ZNF704: variants seen among roughly 807,000 people sequenced by gnomAD.
The protein encoded by ZNF704 is zinc finger protein 704, also known as glucocorticoid induced gene 1.
In ZNF704, 10 loss-of-function variants were observed where a neutral mutation model predicts 44.7. The observed-to-expected ratio is 0.22, with a 90% CI of 0.14 to 0.38. The LOEUF (loss-of-function observed/expected upper bound fraction) is 0.38, where lower values mean the gene tolerates loss of function less well. Among genes scored for constraint, ZNF704 ranks in the 10% least tolerant of loss-of-function variants. The pLI, the probability that ZNF704 is intolerant of heterozygous loss-of-function variation, is 1.00. For synonymous variants in ZNF704, 211 were observed against 207.6 expected (o/e 1.02, Z -0.14); for missense variants, 390 against 545.5 (o/e 0.71, Z 2.84).
At position 80,630,034 on chromosome 8, in the gene ZNF704, T is replaced by C. The variant is rs1324661457; in HGVS notation, c.*11332A>G. 6.6e-6 allele frequency: 1 copy of C among 152,228 alleles called. No individual in the cohort carries two copies. The highest frequency in any genetic ancestry group is 2.4e-5 in the African/African-American group (1 of 41,464). 9.4% of individuals were successfully genotyped at this position (152,228 alleles called of 1,614,324 possible). A position where few individuals can be genotyped will look rare whatever the true frequency, so the allele number is the denominator to read the frequency against. ...AATAAAGTTTCAATCTTTAAAAACA[T>C]CAAGTAGGAGAATATAGATGGGCTT... On this transcript the variant is annotated 3_prime_UTR_variant, in exon 9 of 9. Transcript: ENST00000327835.
chr8:80,733,961 AGAC>A (rs1806624039), intron 2 of ZNF704, among the ~76,000 whole-genome samples: 1 of 152,224 alleles, frequency 6.6e-6, no homozygotes, highest in Non-Finnish European at 1.5e-5. Flanking sequence ...AGAAAACAAA[AGAC>A]GATATGCATT....
intron 2 of ZNF704, among the ~76,000 whole-genome samples, chr8:80,704,284 G>A (rs546558144): frequency 2.8e-4 from 43 of 152,304 alleles, no homozygotes; most frequent in African/African-American, 1.0e-3. Context: ...TAGGTTTAGC[G>A]CTTTTGATTG....
chr8:80,728,539 C>T (rs1016212092), intron 2 of ZNF704, among the ~76,000 whole-genome samples: 1 of 152,134 alleles, frequency 6.6e-6, no homozygotes, highest in African/African-American at 2.4e-5. Context: ...TTAGGCATTT[C>T]GTAAGGCAAA....
intron 2 of ZNF704, among the ~76,000 whole-genome samples, chr8:80,748,361 G>C (rs1054226306): frequency 2.0e-5 from 3 of 152,168 alleles, no homozygotes; most frequent in Non-Finnish European, 4.4e-5. Flanking sequence ...TGAGAATGGG[G>C]AAGTTTTTGT....
chr8:80,699,057 ACTAAT>A (rs1474717859), intron 2 of ZNF704, among the ~76,000 whole-genome samples: 1 of 152,204 alleles, frequency 6.6e-6, no homozygotes, highest in East Asian at 1.9e-4. Context: ...TTAGATTAGC[ACTAAT>A]CTAGTTTCTT....
At chr8:80,877,907 G>A (rs1426703791), upstream of ZNF704, among the ~76,000 whole-genome samples, 1 of 152,202 alleles carries the variant, frequency 6.6e-6, no homozygotes, top group African/African-American at 2.4e-5. Flanking sequence ...TTAGTATAAA[G>A]AAATGTGCAT....
At chr8:80,858,669 A>C (rs766741259) in intron 1 of ZNF704, among the ~76,000 whole-genome samples, 1 of 151,822 alleles carries the variant, frequency 6.6e-6, no homozygotes, top group Non-Finnish European at 1.5e-5. Context: ...TGGGCAACAC[A>C]GCGAGATTCT....
intron 2 of ZNF704, among the ~76,000 whole-genome samples, chr8:80,708,774 A>G (rs1383975037): frequency 6.6e-6 from 1 of 152,142 alleles, no homozygotes; most frequent in Non-Finnish European, 1.5e-5. Context: ...ATGAAGTTCT[A>G]AATATTTCGA....
At chr8:80,773,220 C>T (rs566807111) in intron 2 of ZNF704, among the ~76,000 whole-genome samples, 1 of 152,112 alleles carries the variant, frequency 6.6e-6, no homozygotes, top group Non-Finnish European at 1.5e-5. Flanking sequence ...TCCTGCCTTC[C>T]TGTGGATTAA....
At chr8:80,859,725 G>A (rs1178969368) in intron 1 of ZNF704, among the ~76,000 whole-genome samples, 1 of 152,174 alleles carries the variant, frequency 6.6e-6, no homozygotes, top group Non-Finnish European at 1.5e-5. Context: ...CTCCAGGTCT[G>A]TATGACAAGC....
chr8:80,835,322 G>T (rs1808540920), intron 1 of ZNF704, among the ~76,000 whole-genome samples: 1 of 152,156 alleles, frequency 6.6e-6, no homozygotes, highest in African/African-American at 2.4e-5. Flanking sequence ...CATGAGACAC[G>T]TCTCAATCAA....
At chr8:80,785,023 A>G (rs1175602195) in intron 2 of ZNF704, among the ~76,000 whole-genome samples, 3 of 152,190 alleles carry the variant, frequency 2.0e-5, no homozygotes, top group Non-Finnish European at 4.4e-5. Flanking sequence ...TATTAACTAA[A>G]GTCCACACTG....
chr8:80,878,244 A>C (rs1367282357), upstream of ZNF704, among the ~76,000 whole-genome samples: 3 of 143,240 alleles, frequency 2.1e-5, no homozygotes, highest in African/African-American at 7.9e-5. Context: ...ATCAGAAAGA[A>C]AGAGAAAGAA....
At chr8:80,834,360 G>A (rs143927409) in intron 1 of ZNF704, among the ~76,000 whole-genome samples, 1 of 152,242 alleles carries the variant, frequency 6.6e-6, no homozygotes, top group Non-Finnish European at 1.5e-5. Flanking sequence ...TTAACCCTGT[G>A]AGGGCAGCTT....
chr8:80,773,113 C>T (rs1340583347), intron 2 of ZNF704, among the ~76,000 whole-genome samples: 1 of 152,116 alleles, frequency 6.6e-6, no homozygotes, highest in African/African-American at 2.4e-5. Context: ...AAAAAACATA[C>T]TGTATATGAT....
chr8:80,782,850 G>A (rs1807552998), intron 2 of ZNF704, among the ~76,000 whole-genome samples: 1 of 152,010 alleles, frequency 6.6e-6, no homozygotes, highest in South Asian at 2.1e-4. Flanking sequence ...CTCTATGTGG[G>A]TTTTGCATCC....
intron 1 of ZNF704, among the ~76,000 whole-genome samples, chr8:80,841,022 T>C (rs1808668802): frequency 6.6e-6 from 1 of 152,168 alleles, no homozygotes; most frequent in African/African-American, 2.4e-5. Context: ...ACAAGACAAC[T>C]GCACATAGCC....
intron 2 of ZNF704, among the ~76,000 whole-genome samples, chr8:80,740,440 G>A (rs1191607253): frequency 8.6e-5 from 13 of 152,012 alleles, no homozygotes. Flanking sequence ...TAGACCCAAG[G>A]CCCAACAAGG....
At chr8:80,680,718 C>T (rs777792107) in intron 4 of ZNF704, among the ~76,000 whole-genome samples, 13 of 152,258 alleles carry the variant, frequency 8.5e-5, no homozygotes, top group East Asian at 1.9e-4. Flanking sequence ...TGCTACCTCA[C>T]GGTTACACAG....
Sources: gnomAD v4.1 joint callset for allele counts (sites outside exome capture counted in the v4.1 genomes callset) on GRCh38, gnomAD v4.1.1 for gene constraint, MANE v1.5 for transcripts, NCBI Gene and HGNC (gene_info 2026-07-23, HGNC 2026-07-21) for gene names.